NCKAP5: variants seen among roughly 807,000 people sequenced by gnomAD.
NCKAP5 encodes nck-associated protein 5.
NCKAP5 carries 92 observed loss-of-function variants against 167.0 expected under a neutral mutation model. That is an observed-to-expected ratio of 0.55 (90% CI 0.47 to 0.66). NCKAP5 has a LOEUF of 0.66. NCKAP5 is among the 30% of genes least tolerant of loss of function. The pLI, the probability that NCKAP5 is intolerant of heterozygous loss-of-function variation, is 0.00. For synonymous variants in NCKAP5, 891 were observed against 877.4 expected (o/e 1.02, Z -0.27); for missense variants, 2,378 against 2,315.0 (o/e 1.03, Z -0.56).
At chr2:133,175,981 G>C (rs1372255537) in intron 5 of NCKAP5, among the ~76,000 whole-genome samples, 1 of 152,126 alleles carries the variant, frequency 6.6e-6, no homozygotes, top group Non-Finnish European at 1.5e-5. Context: ...CTCTACAGAG[G>C]GCTTTAAATT....
At chr2:133,362,947 C>T (rs1166382949) in intron 3 of NCKAP5, among the ~76,000 whole-genome samples, 9 of 147,456 alleles carry the variant, frequency 6.1e-5, no homozygotes, top group African/African-American at 1.5e-4. Context: ...TTTTTTTTTT[C>T]GGTAGAGATG....
intron 2 of NCKAP5, among the ~76,000 whole-genome samples, chr2:133,531,305 T>C (rs1685347671): frequency 6.6e-6 from 1 of 152,188 alleles, no homozygotes. Context: ...ATTGAATTAA[T>C]AAGCTAATTC....
intron 3 of NCKAP5, among the ~76,000 whole-genome samples, chr2:133,431,330 T>A (rs1690145534): frequency 6.6e-6 from 1 of 152,190 alleles, no homozygotes; most frequent in Admixed American, 6.5e-5. Context: ...TGTCTTCAGA[T>A]GTGTAACCTA....
At chr2:133,577,472 C>A in the NCKAP5 span, among the ~76,000 whole-genome samples, 1 of 152,074 alleles carries the variant, frequency 6.6e-6, no homozygotes, top group Non-Finnish European at 1.5e-5. Flanking sequence ...TTTCCCTGTT[C>A]TCAGCAGTTT....
chr2:133,550,854 G>A (rs1241302022), intron 2 of NCKAP5, among the ~76,000 whole-genome samples: 18 of 144,914 alleles, frequency 1.2e-4, no homozygotes, highest in South Asian at 7.0e-4. Flanking sequence ...AAACCCCATT[G>A]TCTCAGCCCA....
chr2:133,337,150 T>C (rs1683267352), intron 3 of NCKAP5, among the ~76,000 whole-genome samples: 1 of 152,240 alleles, frequency 6.6e-6, no homozygotes, highest in Non-Finnish European at 1.5e-5. Flanking sequence ...ATTATTAATA[T>C]GCCAGTAGGA....
chr2:132,997,704 ACTAGGAGT>A (rs1374454900), intron 6 of NCKAP5, among the ~76,000 whole-genome samples: 2 of 152,042 alleles, frequency 1.3e-5, no homozygotes, highest in Non-Finnish European at 2.9e-5. Context: ...TTAACTCCTA[ACTAGGAGT>A]TACCTTGGAG....
chr2:133,558,721 A>AAAAAAAAAAAAAAAAC (rs1182961239), intron 2 of NCKAP5, among the ~76,000 whole-genome samples: 1 of 149,862 alleles, frequency 6.7e-6, no homozygotes, highest in Non-Finnish European at 1.5e-5. Flanking sequence ...AAAAAAAAAA[A>AAAAAAAAAAAAAAAAC]AAAAAGCCCA....
At chr2:132,933,363 AT>A (rs1696590327) in intron 8 of NCKAP5, among the ~76,000 whole-genome samples, 5 of 152,188 alleles carry the variant, frequency 3.3e-5, no homozygotes, top group Admixed American at 3.3e-4. Context: ...GGTCTCATTC[AT>A]TGATCTGTTC....
chr2:132,941,180 A>C (rs1456330408), intron 8 of NCKAP5, among the ~76,000 whole-genome samples: 1 of 152,202 alleles, frequency 6.6e-6, no homozygotes, highest in Non-Finnish European at 1.5e-5. Flanking sequence ...TCAAAAGGCT[A>C]TTTCTGGCAG....
intron 3 of NCKAP5, among the ~76,000 whole-genome samples, chr2:133,344,638 G>T (rs1184975178): frequency 6.6e-6 from 1 of 152,082 alleles, no homozygotes; most frequent in African/African-American, 2.4e-5. Context: ...GATGTGAAAT[G>T]CTTAGATTTG....
chr2:133,484,596 C>T (rs947613016), intron 3 of NCKAP5, among the ~76,000 whole-genome samples: 2 of 152,162 alleles, frequency 1.3e-5, no homozygotes, highest in Non-Finnish European at 2.9e-5. Context: ...TTTTTGAGCA[C>T]CAACATGATG....
At chr2:132,699,237 T>G (rs911915061) in intron 19 of NCKAP5, among the ~76,000 whole-genome samples, 1 of 152,214 alleles carries the variant, frequency 6.6e-6, no homozygotes, top group Admixed American at 6.5e-5. Context: ...TGATTCTAAG[T>G]GTAAAAGGTG....
intron 3 of NCKAP5, among the ~76,000 whole-genome samples, chr2:133,468,698 A>G (rs1692797424): frequency 6.6e-6 from 1 of 152,168 alleles, no homozygotes; most frequent in Non-Finnish European, 1.5e-5. Flanking sequence ...GTGCTCCTGT[A>G]TTGGGTGCAT....
chr2:133,316,418 G>C (rs1681613536), intron 3 of NCKAP5, among the ~76,000 whole-genome samples: 1 of 152,104 alleles, frequency 6.6e-6, no homozygotes, highest in Non-Finnish European at 1.5e-5. Context: ...GACTCCTTTT[G>C]CTACACAAGA....
At chr2:133,339,712 T>C (rs1305705471) in intron 3 of NCKAP5, among the ~76,000 whole-genome samples, 1 of 152,208 alleles carries the variant, frequency 6.6e-6, no homozygotes, top group African/African-American at 2.4e-5. Context: ...ATTCTTCAGT[T>C]TGCAATTAAC....
intron 6 of NCKAP5, among the ~76,000 whole-genome samples, chr2:133,076,081 A>C (rs1031453573): frequency 1.3e-5 from 2 of 152,222 alleles, no homozygotes; most frequent in Non-Finnish European, 2.9e-5. Flanking sequence ...TCTTTTCTGC[A>C]TCCCAATTTT....
intron 6 of NCKAP5, among the ~76,000 whole-genome samples, chr2:133,002,760 A>G (rs988886253): frequency 6.6e-6 from 1 of 152,202 alleles, no homozygotes; most frequent in Non-Finnish European, 1.5e-5. Flanking sequence ...TGTTTATGCT[A>G]TCCATAGGAA....
At chr2:132,689,277 G>A (rs1686408783) in intron 19 of NCKAP5, among the ~76,000 whole-genome samples, 1 of 152,186 alleles carries the variant, frequency 6.6e-6, no homozygotes, top group South Asian at 2.1e-4. Flanking sequence ...AAGGGGTCAA[G>A]GGGAATAGAA....
Sources: allele counts gnomAD v4.1 joint callset (sites outside exome capture counted in the v4.1 genomes callset), GRCh38; gene constraint gnomAD v4.1.1; transcripts MANE v1.5; gene names NCBI Gene and HGNC (gene_info 2026-07-23, HGNC 2026-07-21).